TENM1: variants seen among roughly 807,000 people sequenced by gnomAD.
The protein encoded by TENM1 is teneurin-1.
Under a neutral mutation model 174.8 loss-of-function variants are expected in TENM1, and 35 were observed. The ratio of observed to expected loss-of-function variants is 0.20; its 90% CI spans 0.15 to 0.27. The LOEUF is 0.27. TENM1 is among the 10% of genes least tolerant of loss of function. TENM1 has a pLI of 1.00. For synonymous variants in TENM1, 781 were observed against 798.7 expected, an observed-to-expected ratio of 0.98 and a Z score of 0.37; for missense variants, 1,633 against 2,130.1, an observed-to-expected ratio of 0.77 and a Z score of 4.59.
At chrX:124,876,285 C>T (rs1054764829) in intron 3 of TENM1, among the ~76,000 whole-genome samples, 5 of 111,117 alleles carry the variant, frequency 4.5e-5, no homozygotes, top group East Asian at 2.8e-4. Context: ...TGAAAATCTC[C>T]GCCGTTTTTA....
exon 32 of TENM1, chrX:124,378,566 T>C (rs1050598169): frequency 8.9e-6 from 1 of 112,058 alleles, no homozygotes; most frequent in Non-Finnish European, 1.9e-5. Context: ...AATATGATTT[T>C]AGTATGGATT....
At chrX:124,756,434 A>C (rs1424040083) in intron 3 of TENM1, among the ~76,000 whole-genome samples, 1 of 107,057 alleles carries the variant, frequency 9.3e-6, no homozygotes, top group Non-Finnish European at 1.9e-5. Flanking sequence ...CTTTGGTTTG[A>C]ATTTCCTCCT....
At chrX:124,451,401 G>A (rs770371992) in intron 23 of TENM1, among the ~76,000 whole-genome samples, 1 of 111,753 alleles carries the variant, frequency 8.9e-6, no homozygotes, top group South Asian at 3.7e-4. Flanking sequence ...ATATACATGT[G>A]AATAACAACA....
chrX:124,656,949 A>G (rs979978802), intron 6 of TENM1, among the ~76,000 whole-genome samples: 1 of 110,280 alleles, frequency 9.1e-6, no homozygotes, highest in African/African-American at 3.3e-5. Flanking sequence ...CCCTGTCTCC[A>G]GTTAAAAAAA....
chrX:124,882,966 C>G (rs187796418), intron 3 of TENM1, among the ~76,000 whole-genome samples: 1 of 111,694 alleles, frequency 9.0e-6, no homozygotes, highest in African/African-American at 3.3e-5. Context: ...GATCTTTCAC[C>G]TCCTTGTTTA....
At chrX:124,927,717 C>G (rs967600570) in intron 1 of TENM1, among the ~76,000 whole-genome samples, 1 of 111,035 alleles carries the variant, frequency 9.0e-6, no homozygotes, top group Non-Finnish European at 1.9e-5. Flanking sequence ...GGGCAGTGGA[C>G]TTTTTGAAAG....
chrX:125,124,386 G>A, the TENM1 span, among the ~76,000 whole-genome samples: 1 of 111,958 alleles, frequency 8.9e-6, no homozygotes, highest in Non-Finnish European at 1.9e-5. Flanking sequence ...AAATGACTAT[G>A]ACTGTACATC....
At chrX:124,876,641 G>A (rs1045712668) in intron 3 of TENM1, among the ~76,000 whole-genome samples, 2 of 111,671 alleles carry the variant, frequency 1.8e-5, no homozygotes, top group African/African-American at 6.5e-5. Context: ...TAAAGATGTA[G>A]CAAATTTTGC....
intron 23 of TENM1, among the ~76,000 whole-genome samples, chrX:124,424,574 T>C (rs2060689331): frequency 9.0e-6 from 1 of 111,417 alleles, no homozygotes; most frequent in South Asian, 3.8e-4. Flanking sequence ...ACATGGGGTA[T>C]TTATCTTTCT....
intron 27 of TENM1, among the ~76,000 whole-genome samples, chrX:124,404,380 A>T (rs942581582): frequency 9.0e-6 from 1 of 111,522 alleles, no homozygotes. Context: ...TGTGTGCTGC[A>T]GAAAAGCTGA....
the TENM1 span, among the ~76,000 whole-genome samples, chrX:125,186,815 C>T: frequency 8.9e-6 from 1 of 111,808 alleles, no homozygotes. Context: ...TAGACTAAGA[C>T]AGTCTCCCAT....
At chrX:124,857,099 G>T (rs2056828320) in intron 3 of TENM1, among the ~76,000 whole-genome samples, 1 of 111,200 alleles carries the variant, frequency 9.0e-6, no homozygotes, top group African/African-American at 3.3e-5. Context: ...TGTCTTATGA[G>T]CTGCCTCTAC....
At chrX:124,490,052 T>C (rs989806223) in intron 20 of TENM1, among the ~76,000 whole-genome samples, 2 of 112,037 alleles carry the variant, frequency 1.8e-5, no homozygotes, top group African/African-American at 6.5e-5. Context: ...GCAGTCCCTT[T>C]GAAAAGCAAT....
At position 124,537,648 on chromosome X, in the gene TENM1, C is replaced by T. The variant is rs191876519; in HGVS notation, c.2652-7665G>A. 8.9e-5 allele frequency among the ~76,000 whole-genome samples: 10 copies of T among 111,993 alleles called. No individual in the cohort carries two copies. The East Asian group carries it at 2.8e-3, about 32-fold the overall frequency. On this transcript the variant is annotated intron_variant, in intron 15 of 31. Coordinates refer to ENST00000422452, the Ensembl canonical transcript of TENM1. ...AAATTTACCAACTGCTGAGCACTTC[C>T]TATGTGGAGTGTGTGTAGTGGAGAT... is the stretch of plus-strand genomic sequence containing the variant.
chrX:125,155,524 C>T, the TENM1 span, among the ~76,000 whole-genome samples: 2 of 108,427 alleles, frequency 1.8e-5, no homozygotes, highest in African/African-American at 3.4e-5. Context: ...CAGGGGGTGG[C>T]GCTCGTCGGG....
At chrX:124,616,597 C>A (rs2050403606) in intron 11 of TENM1, among the ~76,000 whole-genome samples, 1 of 112,288 alleles carries the variant, frequency 8.9e-6, no homozygotes, top group Admixed American at 9.4e-5. Context: ...ACACATTCAA[C>A]AAGTGTATGT....
At chrX:124,419,079 C>G (rs1213342912) in intron 25 of TENM1, among the ~76,000 whole-genome samples, 2 of 111,982 alleles carry the variant, frequency 1.8e-5, no homozygotes, top group Non-Finnish European at 3.8e-5. Flanking sequence ...AAATCTTTAG[C>G]TAACCGTAGC....
chrX:125,045,172 C>G, the TENM1 span, among the ~76,000 whole-genome samples: 2 of 111,298 alleles, frequency 1.8e-5, no homozygotes, highest in Non-Finnish European at 3.8e-5. Flanking sequence ...AGAACTCACT[C>G]ACTATCATGA....
At chrX:124,883,053 ATAAAT>A (rs1453726196) in intron 3 of TENM1, among the ~76,000 whole-genome samples, 1 of 111,864 alleles carries the variant, frequency 8.9e-6, no homozygotes, top group African/African-American at 3.3e-5. Flanking sequence ...CCAGGATTTC[ATAAAT>A]TATTTTTTCA....
Sources: allele counts gnomAD v4.1 joint callset (sites outside exome capture counted in the v4.1 genomes callset), GRCh38; gene constraint gnomAD v4.1.1; transcripts MANE v1.5; gene names NCBI Gene and HGNC (gene_info 2026-07-23, HGNC 2026-07-21).